TNN: variants seen among roughly 807,000 people sequenced by gnomAD.
TNN encodes tenascin-N.
Under a neutral mutation model 134.4 loss-of-function variants are expected in TNN, and 122 were observed. The observed-to-expected ratio is 0.91, with a 90% CI of 0.78 to 1.06. The LOEUF (loss-of-function observed/expected upper bound fraction) is 1.06. TNN is among the 50% of genes least tolerant of loss of function. The pLI is 0.00. For missense variants in TNN, 1,739 were observed against 1,699.4 expected (o/e 1.02, Z -0.41); for synonymous variants, 710 against 670.3 (o/e 1.06, Z -0.91).
At position 175,094,012 on chromosome 1, in the gene TNN, T is replaced by A; in HGVS notation, c.1347T>A (p.Val449=). The A allele has an allele frequency of 6.2e-7, 1 of 1,606,230 alleles. No individual in the cohort carries two copies. Among genetic ancestry groups the A allele is most frequent in the Non-Finnish European group, 8.5e-7 (1 of 1,173,864 alleles). The part of the protein sequence containing the change: ...GRTEIDSPTN[V]VTDRVTEDTA... ...AAGAAATTGACAGTCCAACCAATGT[T>A]GTCACTGATCGAGTGACTGAAGACA... Residue 449 remains valine (V), a synonymous_variant, in exon 7 of 19, where the codon GTT becomes GTA. Transcript: ENST00000239462.
chr1:175,132,424 T>A (rs952349003), intron 15 of TNN, among the ~76,000 whole-genome samples: 4 of 152,100 alleles, frequency 2.6e-5, no homozygotes, highest in African/African-American at 9.7e-5. Context: ...GTCGTCTAAG[T>A]GAATAAATGA....
chr1:175,108,782 A>G (rs1387463954), intron 9 of TNN, among the ~76,000 whole-genome samples: 1 of 149,804 alleles, frequency 6.7e-6, no homozygotes. Context: ...ATGCCCACCT[A>G]GAACTCCAGC....
At chr1:175,069,865 T>C (rs1203009030) in intron 1 of TNN, among the ~76,000 whole-genome samples, 4 of 152,252 alleles carry the variant, frequency 2.6e-5, no homozygotes, top group Admixed American at 6.5e-5. Flanking sequence ...TCCTCCTTGC[T>C]AGAAGACTGG....
intron 9 of TNN, among the ~76,000 whole-genome samples, chr1:175,109,606 G>T (rs1408332483): frequency 6.6e-6 from 1 of 151,192 alleles, no homozygotes; most frequent in Non-Finnish European, 1.5e-5. Flanking sequence ...TGCTGCAAAG[G>T]AAAGGATTTT....
intron 9 of TNN, among the ~76,000 whole-genome samples, chr1:175,101,379 G>GGGGA (rs1674720576): frequency 6.6e-6 from 1 of 150,556 alleles, no homozygotes; most frequent in Non-Finnish European, 1.5e-5. Flanking sequence ...AGATCTTCGC[G>GGGGA]GTGTTACAGC....
intron 11 of TNN, among the ~76,000 whole-genome samples, chr1:175,120,355 A>G (rs890309118): frequency 1.3e-5 from 2 of 152,246 alleles, no homozygotes; most frequent in African/African-American, 2.4e-5. Flanking sequence ...CAGGGTAAGG[A>G]TGTCTTGCAG....
chr1:175,108,143 G>C (rs999722843), intron 9 of TNN, among the ~76,000 whole-genome samples: 3 of 152,030 alleles, frequency 2.0e-5, no homozygotes, highest in African/African-American at 7.2e-5. Context: ...AGAGCAGCTA[G>C]ATACGGAGTG....
At chr1:175,113,391 T>C (rs1217970868) in intron 9 of TNN, among the ~76,000 whole-genome samples, 1 of 152,222 alleles carries the variant, frequency 6.6e-6, no homozygotes, top group Non-Finnish European at 1.5e-5. Flanking sequence ...TCCCTTTCTC[T>C]CCTGGCCTGT....
chr1:175,100,181 C>T (rs779557557), intron 9 of TNN, among the ~76,000 whole-genome samples: 6 of 152,188 alleles, frequency 3.9e-5, no homozygotes, highest in African/African-American at 1.2e-4. Context: ...GGCTTTCTCA[C>T]CCTTGGCACT....
intron 18 of TNN, among the ~76,000 whole-genome samples, chr1:175,146,675 A>C (rs892868820): frequency 6.6e-6 from 1 of 151,500 alleles, no homozygotes; most frequent in East Asian, 1.9e-4. Flanking sequence ...CCTTGCTCCC[A>C]CCATAGAGAC....
At position 175,128,029 on chromosome 1, in the gene TNN, T is replaced by C; in HGVS notation, c.3046-3T>C. On this transcript the variant is annotated splice_region_variant and splice_polypyrimidine_tract_variant and intron_variant, in intron 13 of 18. Coordinates refer to ENST00000239462, the MANE Select transcript of TNN (RefSeq NM_022093.2). ...GCTGTCTAATCTCTCCCTTGTTTGG[T>C]AGGAGATGCAGCTGGGACGGGAAGA... The C allele has an allele frequency of 1.9e-6, 3 of 1,614,044 alleles. No homozygotes were observed. Among genetic ancestry groups the C allele is most frequent in the Non-Finnish European group, 1.7e-6 (2 of 1,179,968 alleles).
intron 3 of TNN, 109 bp from the exon 4 acceptor site, chr1:175,080,054 A>G (rs1280078171): frequency 2.4e-5 from 35 of 1,452,340 alleles, no homozygotes; most frequent in Non-Finnish European, 3.2e-5. Context: ...GGCGCCTTAC[A>G]CAGGTCTGCA....
chr1:175,114,106 G>A (rs974578524), intron 9 of TNN, among the ~76,000 whole-genome samples: 2 of 152,132 alleles, frequency 1.3e-5, no homozygotes, highest in Non-Finnish European at 2.9e-5. Flanking sequence ...CTTTGGTGGT[G>A]TCATGTTTTC....
intron 17 of TNN, among the ~76,000 whole-genome samples, chr1:175,137,867 G>A (rs2101852075): frequency 6.6e-6 from 1 of 152,318 alleles, no homozygotes; most frequent in Admixed American, 6.5e-5. Flanking sequence ...AGACTTAAAT[G>A]TAAATAGGTG....
At chr1:175,131,636 A>G (rs973517945) in intron 15 of TNN, among the ~76,000 whole-genome samples, 4 of 152,240 alleles carry the variant, frequency 2.6e-5, no homozygotes, top group African/African-American at 9.6e-5. Context: ...GCAAACTAAC[A>G]TTTATTGAGA....
At chr1:175,102,799 C>T (rs1574154581) in intron 9 of TNN, among the ~76,000 whole-genome samples, 1 of 146,384 alleles carries the variant, frequency 6.8e-6, no homozygotes, top group African/African-American at 2.5e-5. Flanking sequence ...AAAGTGGGAG[C>T]CCAGGCAGAG....
At chr1:175,096,728 T>A (rs1014224821) in intron 7 of TNN, among the ~76,000 whole-genome samples, 2 of 152,252 alleles carry the variant, frequency 1.3e-5, no homozygotes, top group African/African-American at 4.8e-5. Flanking sequence ...TCATTTACTA[T>A]CACCATAACC....
intron 1 of TNN, 21 bp downstream of exon 1, chr1:175,067,956 A>G (rs1219157298): frequency 6.4e-6 from 3 of 466,060 alleles, no homozygotes; most frequent in African/African-American, 2.0e-5. Flanking sequence ...CAGTTGCCCA[A>G]GCTTTACTTA....
At chr1:175,131,690 T>A (rs2101847357) in intron 15 of TNN, among the ~76,000 whole-genome samples, 1 of 152,294 alleles carries the variant, frequency 6.6e-6, no homozygotes, top group African/African-American at 2.4e-5. Context: ...GGGTCTGGCT[T>A]AACTACTTTA....
Sources: allele counts gnomAD v4.1 joint callset (sites outside exome capture counted in the v4.1 genomes callset), GRCh38; gene constraint gnomAD v4.1.1; transcripts MANE v1.5; gene names NCBI Gene and HGNC (gene_info 2026-07-23, HGNC 2026-07-21).